The following PARM1 variants were observed in gnomAD, a reference collection of about 807,000 sequenced individuals.
The protein encoded by PARM1 is prostate androgen-regulated mucin-like protein 1.
PARM1 carries 14 observed loss-of-function variants against 24.6 expected under a neutral mutation model. That is an observed-to-expected ratio of 0.57 (90% confidence interval 0.38 to 0.89). The LOEUF (loss-of-function observed/expected upper bound fraction) is 0.89. Ranked by LOEUF, PARM1 falls within the 40% of genes least tolerant of loss-of-function variation. PARM1 has a pLI of 0.00. For synonymous variants in PARM1, 179 were observed against 156.6 expected (o/e 1.14, Z -1.07); for missense variants, 362 against 380.4 (o/e 0.95, Z 0.40).
chr4:75,001,822 G>A (rs143125859), intron 1 of PARM1, among the ~76,000 whole-genome samples: 1 of 152,264 alleles, frequency 6.6e-6, no homozygotes, highest in South Asian at 2.1e-4. Context: ...CACCCTCTAA[G>A]TTTGAGCTGT....
intron 1 of PARM1, among the ~76,000 whole-genome samples, chr4:74,935,084 G>C (rs116654376): frequency 6.7e-6 from 1 of 149,474 alleles, no homozygotes; most frequent in East Asian, 2.0e-4. Flanking sequence ...CCCACCGCTA[G>C]AGCGAGGAGA....
intron 1 of PARM1, among the ~76,000 whole-genome samples, chr4:74,942,202 T>C (rs1461705113): frequency 6.6e-6 from 1 of 152,256 alleles, no homozygotes; most frequent in Non-Finnish European, 1.5e-5. Context: ...AAAGAAATGT[T>C]GGTGGTATTT....
chr4:74,980,490 A>G (rs531670174), intron 1 of PARM1, among the ~76,000 whole-genome samples: 124 of 152,332 alleles, frequency 8.1e-4, no homozygotes, highest in African/African-American at 2.9e-3. Context: ...AAAACATTAT[A>G]TGCTCCTGGA....
intron 1 of PARM1, among the ~76,000 whole-genome samples, chr4:74,942,607 A>T (rs1721331647): frequency 6.6e-6 from 1 of 152,020 alleles, no homozygotes; most frequent in Admixed American, 6.6e-5. Context: ...TTCTCTTAAC[A>T]CTCCTCATCC....
chr4:75,018,894 A>G (rs1407649401), intron 2 of PARM1, among the ~76,000 whole-genome samples: 3 of 152,200 alleles, frequency 2.0e-5, no homozygotes, highest in Non-Finnish European at 2.9e-5. Context: ...TCCTTTCACA[A>G]TGCCCATCCT....
chr4:74,967,230 C>T (rs1330522207), intron 1 of PARM1: 3 of 152,082 alleles, frequency 2.0e-5, no homozygotes, highest in African/African-American at 4.8e-5. Context: ...CTCCACTTTG[C>T]GTTATTTATT....
At chr4:74,949,186 A>C (rs1408662834) in intron 1 of PARM1, among the ~76,000 whole-genome samples, 1 of 152,192 alleles carries the variant, frequency 6.6e-6, no homozygotes, top group African/African-American at 2.4e-5. Flanking sequence ...ATCCACAGTT[A>C]GTTATCCAGT....
chr4:74,988,243 A>G (rs1345286290), intron 1 of PARM1, among the ~76,000 whole-genome samples: 1 of 152,226 alleles, frequency 6.6e-6, no homozygotes, highest in Non-Finnish European at 1.5e-5. Flanking sequence ...TGTGCACAGT[A>G]TACATATTTA....
intron 1 of PARM1, among the ~76,000 whole-genome samples, chr4:74,949,055 G>T (rs1387612949): frequency 1.3e-5 from 2 of 151,858 alleles, no homozygotes; most frequent in African/African-American, 2.4e-5. Context: ...AAACAAAAGG[G>T]CATTGTAATC....
chr4:74,975,584 T>G (rs892362593), intron 1 of PARM1, among the ~76,000 whole-genome samples: 1 of 152,250 alleles, frequency 6.6e-6, no homozygotes, highest in Admixed American at 6.5e-5. Flanking sequence ...CAAAGGTATA[T>G]TTTATAAACA....
intron 3 of PARM1, among the ~76,000 whole-genome samples, chr4:75,038,117 A>C (rs1723408296): frequency 6.6e-6 from 1 of 152,142 alleles, no homozygotes; most frequent in African/African-American, 2.4e-5. Flanking sequence ...GGGTTTCACC[A>C]TGTTGACCAG....
intron 1 of PARM1, among the ~76,000 whole-genome samples, chr4:74,992,620 T>C (rs1722500391): frequency 6.6e-6 from 1 of 151,976 alleles, no homozygotes; most frequent in Non-Finnish European, 1.5e-5. Flanking sequence ...CCACAATTAG[T>C]ATAGAGCAAC....
chr4:74,979,146 A>T (rs1722196055), intron 1 of PARM1, among the ~76,000 whole-genome samples: 1 of 151,756 alleles, frequency 6.6e-6, no homozygotes, highest in Admixed American at 6.6e-5. Flanking sequence ...ACACACACAC[A>T]CAAAAAAAAA....
chr4:75,014,543 C>T (rs1240271204), intron 2 of PARM1, among the ~76,000 whole-genome samples: 1 of 152,136 alleles, frequency 6.6e-6, no homozygotes, highest in Admixed American at 6.5e-5. Context: ...AGCAGTGACT[C>T]TTGGCTGAGG....
In PARM1 at chr4:74,946,594, A is replaced by C. The variant is rs540691511; in HGVS notation, c.43+13224A>C. Among the ~76,000 whole-genome samples, 4 of 152,340 alleles carry C rather than the reference A, an allele frequency of 2.6e-5. No individual in the cohort carries two copies. The South Asian group carries it at 8.3e-4, about 32-fold the overall frequency. ...TAATTCCGGGTCTGGGTTAGGAAAT[A>C]CATAAGATGAATCTGGAATATCTTG... On this transcript the variant is annotated intron_variant, in intron 1 of 3. Coordinates refer to ENST00000307428, the MANE Select transcript of PARM1 (RefSeq NM_015393.4).
intron 2 of PARM1, among the ~76,000 whole-genome samples, chr4:75,033,542 G>A (rs980651089): frequency 2.0e-5 from 3 of 152,084 alleles, no homozygotes; most frequent in Admixed American, 6.6e-5. Context: ...CACTACCCCT[G>A]CAAACAACAG....
intron 2 of PARM1, among the ~76,000 whole-genome samples, chr4:75,030,555 G>T (rs1723255094): frequency 6.6e-6 from 1 of 152,212 alleles, no homozygotes; most frequent in Non-Finnish European, 1.5e-5. Flanking sequence ...TTGGTTCACA[G>T]GCCTTCACCA....
At chr4:74,936,645 C>T (rs1376102566) in intron 1 of PARM1, among the ~76,000 whole-genome samples, 1 of 151,700 alleles carries the variant, frequency 6.6e-6, no homozygotes, top group Non-Finnish European at 1.5e-5. Context: ...TTAGTAGAGA[C>T]GGGGTTTCAC....
chr4:75,000,844 A>G (rs1205295644), intron 1 of PARM1, among the ~76,000 whole-genome samples: 1 of 152,226 alleles, frequency 6.6e-6, no homozygotes, highest in African/African-American at 2.4e-5. Flanking sequence ...ATGTTAGTAG[A>G]TGAGGAAGCA....
Sources: allele counts gnomAD v4.1 joint callset (sites outside exome capture counted in the v4.1 genomes callset), GRCh38; gene constraint gnomAD v4.1.1; transcripts MANE v1.5; gene names NCBI Gene and HGNC (gene_info 2026-07-23, HGNC 2026-07-21).